Variants in GPSM1 observed in about 807,000 individuals in gnomAD.
GPSM1 encodes G protein signaling modulator 1, also known as G protein-signaling modulator 1.
In GPSM1, 48 loss-of-function variants were observed where a neutral mutation model predicts 70.5. The observed-to-expected ratio is 0.68, with a 90% CI of 0.54 to 0.87. GPSM1 has a LOEUF of 0.87. Ranked by LOEUF, GPSM1 falls within the 40% of genes least tolerant of loss-of-function variation. The pLI, the probability that GPSM1 is intolerant of heterozygous loss-of-function variation, is 0.00. For synonymous variants in GPSM1, 416 were observed against 430.1 expected (o/e 0.97, Z 0.41); for missense variants, 981 against 972.6 (o/e 1.01, Z -0.11).
At chr9:136,353,215 G>C (rs552835217) in intron 11 of GPSM1, 2 of 546,746 alleles carry the variant, frequency 3.7e-6, no homozygotes, top group South Asian at 1.6e-4. Context: ...ACGGGCCTCT[G>C]TGAAGCCGGG....
At chr9:136,357,976 G>T (rs375876301) in intron 13 of GPSM1, 38 bp from the exon 14 acceptor site, 10 of 1,512,596 alleles carry the variant, frequency 6.6e-6, no homozygotes, top group African/African-American at 5.5e-5. Flanking sequence ...CACTGGGGCT[G>T]GGGGGGTGAG....
At chr9:136,333,973 A>G (rs1554768813) in intron 1 of GPSM1, among the ~76,000 whole-genome samples, 1 of 151,754 alleles carries the variant, frequency 6.6e-6, no homozygotes, top group African/African-American at 2.4e-5. Flanking sequence ...GGCCTTCACA[A>G]GCCCCCACTA....
chr9:136,335,387 G>A (rs1314325349), intron 2 of GPSM1, among the ~76,000 whole-genome samples: 1 of 152,146 alleles, frequency 6.6e-6, no homozygotes, highest in African/African-American at 2.4e-5. Flanking sequence ...CCAGCCCCCA[G>A]GCCGTGCCTC....
intron 1 of GPSM1, among the ~76,000 whole-genome samples, chr9:136,328,094 G>A (rs1832020567): frequency 6.6e-6 from 1 of 152,150 alleles, no homozygotes; most frequent in Non-Finnish European, 1.5e-5. Context: ...CCATGCCCGG[G>A]GCACTCAGGG....
chr9:136,351,781 C>G (rs1221309842), intron 11 of GPSM1, among the ~76,000 whole-genome samples: 10 of 152,260 alleles, frequency 6.6e-5, no homozygotes, highest in Non-Finnish European at 1.5e-4. Context: ...AACGGGGTTC[C>G]CAGGGTCTGT....
In GPSM1 at chr9:136,331,374, C is replaced by CCCG. The variant is rs1554768458; in HGVS notation, c.69-3071_69-3069dup. On this transcript the variant is annotated intron_variant, in intron 1 of 13. Transcript: ENST00000440944. ...TGGTGAGGACTCTGAGCCCCCCCCC[C>CCCG]CCGCTGCCCCATGCTGGCACCGTGG... Among the ~76,000 whole-genome samples the CCCG allele has an allele frequency of 5.0e-4, 76 of 151,422 alleles. 1 individual carries two copies. Among genetic ancestry groups the CCCG allele is most frequent in the African/African-American group, 1.3e-3 (55 of 41,358 alleles).
In GPSM1 at chr9:136,343,850, G is replaced by A. The variant is rs1349293493; in HGVS notation, c.1207+2857G>A. Among the ~76,000 whole-genome samples the A allele has an allele frequency of 2.6e-5, 4 of 152,230 alleles. No homozygotes were observed. The highest frequency in any genetic ancestry group is 9.6e-5 in the African/African-American group (4 of 41,452). On this transcript the variant is annotated intron_variant, in intron 9 of 13. Coordinates refer to ENST00000440944, the MANE Select transcript of GPSM1 (RefSeq NM_001145638.3). This position sits in a 1 kb window ranked among gnomAD's most constrained non-coding sequence, Gnocchi z 6.0. ...GTTCCAGCAGCCCAGTGGCCCTTGG[G>A]CAGCCGCCGGGATGGAGGATGCACC...
chr9:136,340,050 G>A lies in GPSM1; in HGVS notation c.1083+235G>A, dbSNP rs566320243. Among the ~76,000 whole-genome samples the A allele has an allele frequency of 9.8e-5, 14 of 142,690 alleles. No individual in the cohort carries two copies. In the East Asian group the frequency reaches 2.1e-3, roughly 22 times the overall value. 93.6% of individuals were successfully genotyped at this position (142,690 alleles called of 152,430 possible). On this transcript the variant is annotated intron_variant, in intron 8 of 13. Transcript: ENST00000440944. This position sits in a 1 kb window ranked among gnomAD's most constrained non-coding sequence, Gnocchi z 7.3. ...GGGCAGCTGCGTCTCCTCCTCCTTG[G>A]AGAGTTTGCACAGGGTCTCTGTGGG... is the stretch of plus-strand genomic sequence containing the variant.
At chr9:136,336,241 C>G in intron 3 of GPSM1, 140 bp downstream of exon 3, 2 of 1,025,948 alleles carry the variant, frequency 1.9e-6, no homozygotes, top group South Asian at 3.1e-5. Context: ...CCCCTAGATC[C>G]CGAGTGACTC....
intron 1 of GPSM1, among the ~76,000 whole-genome samples, chr9:136,333,261 C>A (rs1197382375): frequency 6.6e-6 from 1 of 152,202 alleles, no homozygotes; most frequent in Admixed American, 6.5e-5. Context: ...ACACTGGCCA[C>A]CCCATGGCAT....
At position 136,358,656 on chromosome 9, in the gene GPSM1, TGG is replaced by T; in HGVS notation, c.*438_*439del. ...TGTTCTGTCCCCCCAGAGCTGGTCT[TGG>T]GATGGCCGTGTGACAGGCATGCTCC... On this transcript the variant is annotated 3_prime_UTR_variant, in exon 14 of 14. Coordinates refer to ENST00000440944, the MANE Select transcript of GPSM1 (RefSeq NM_001145638.3). 3.3e-5 allele frequency: 8 copies of T among 240,600 alleles called. No homozygotes were observed. The highest frequency in any genetic ancestry group is 1.5e-4 in the East Asian group (1 of 6,648). 14.9% of individuals were successfully genotyped at this position (240,600 alleles called of 1,614,324 possible).
intron 11 of GPSM1, among the ~76,000 whole-genome samples, chr9:136,351,706 C>T (rs1168135022): frequency 2.0e-5 from 3 of 152,214 alleles, no homozygotes; most frequent in African/African-American, 7.2e-5. Flanking sequence ...GGGCCCTGCT[C>T]CCCTGGCCCC....
At position 136,344,266 on chromosome 9, in the gene GPSM1, G is replaced by A. The variant is rs142360789; in HGVS notation, c.1207+3273G>A. On this transcript the variant is annotated intron_variant, in intron 9 of 13. Transcript: ENST00000440944. ...GCGCAGACAGGAGCAGGGGAGGCGC[G>A]GACAGGAACAGGGGAAGCAGGCTGC... Among the ~76,000 whole-genome samples, 755 of 151,838 alleles carry A rather than the reference G, an allele frequency of 5.0e-3. 5 individuals carry two copies. Among genetic ancestry groups the A allele is most frequent in the African/African-American group, 0.017 (702 of 41,372 alleles).
rs1554771615 is a variant in GPSM1 at position 136,348,681 on chromosome 9, G to A, written c.1208-16G>A. 6.2e-7 allele frequency: 1 copy of A among 1,604,172 alleles called. No homozygotes were observed. The highest frequency in any genetic ancestry group is 1.1e-5 in the South Asian group (1 of 89,944). On this transcript the variant is annotated splice_polypyrimidine_tract_variant and intron_variant, in intron 9 of 13. Coordinates refer to ENST00000440944, the MANE Select transcript of GPSM1 (RefSeq NM_001145638.3). ...GCCAGGGTGGTGCTGGGCTGACCGG[G>A]TCCCTCTGTCTTCAGGGGCCAGACC...
At chr9:136,331,367 C>T (rs544996720) in intron 1 of GPSM1, among the ~76,000 whole-genome samples, 3 of 149,750 alleles carry the variant, frequency 2.0e-5, no homozygotes, top group Non-Finnish European at 3.0e-5. Context: ...ACTCTGAGCC[C>T]CCCCCCCCCG....
At chr9:136,344,210 G>C (rs569652225) in intron 9 of GPSM1, among the ~76,000 whole-genome samples, 1 of 143,776 alleles carries the variant, frequency 7.0e-6, no homozygotes, top group Non-Finnish European at 1.6e-5. Flanking sequence ...GGACAGGAGC[G>C]GGGTGGGGGC....
At chr9:136,352,446 G>C (rs1372971652) in intron 11 of GPSM1, among the ~76,000 whole-genome samples, 2 of 150,846 alleles carry the variant, frequency 1.3e-5, no homozygotes, top group East Asian at 3.9e-4. Flanking sequence ...GTGTGGTCTG[G>C]GGGTCCAGAG....
In GPSM1 at chr9:136,340,744, T is replaced by C. The variant is rs1410989338; in HGVS notation, c.1084-126T>C. ...CCTGGTTCCCTCAGAGGCCCAGGGG[T>C]CAGTGACCAGTTCAGGTCACTCAGA... On this transcript the variant is annotated intron_variant, in intron 8 of 13. Transcript: ENST00000440944. This position sits in a 1 kb window ranked among gnomAD's most constrained non-coding sequence, Gnocchi z 7.3. The C allele has an allele frequency of 6.1e-6, 8 of 1,322,172 alleles. No individual in the cohort carries two copies. Among genetic ancestry groups the C allele is most frequent in the Non-Finnish European group, 8.0e-6 (8 of 995,940 alleles). The allele number at this position is 1,322,172 out of a possible 1,614,324, so 81.9% of individuals were successfully genotyped here.
chr9:136,336,889 G>C (rs1422039631), intron 3 of GPSM1, 32 bp from the exon 4 acceptor site: 5 of 1,539,624 alleles, frequency 3.2e-6, no homozygotes, highest in Admixed American at 2.0e-5. Context: ...GGGCCGTGGA[G>C]GCATGCCCCC....
Sources: gnomAD v4.1 joint callset for allele counts (sites outside exome capture counted in the v4.1 genomes callset) on GRCh38, gnomAD v4.1.1 for gene constraint, Gnocchi (gnomAD v3.1) non-coding constraint, MANE v1.5 for transcripts, NCBI Gene and HGNC (gene_info 2026-07-23, HGNC 2026-07-21) for gene names.